Variants in PEG3 observed in about 807,000 individuals in gnomAD.
The protein encoded by PEG3 is paternally-expressed gene 3 protein.
In PEG3, 23 loss-of-function variants were observed where a neutral mutation model predicts 35.5. That is an observed-to-expected ratio of 0.65 (90% confidence interval 0.47 to 0.92). The LOEUF (loss-of-function observed/expected upper bound fraction) is 0.92, where lower values mean the gene tolerates loss of function less well. Among genes scored for constraint, PEG3 ranks in the 40% least tolerant of loss-of-function variants. PEG3 has a pLI of 0.00. For missense variants in PEG3, 1,960 were observed against 1,985.3 expected (o/e 0.99, Z 0.24); for synonymous variants, 707 against 697.0 (o/e 1.01, Z -0.23).
At chr19:56,823,788 G>T in intron 4 of PEG3, 109 bp from the exon 5 acceptor site, 2 of 1,285,032 alleles carry the variant, frequency 1.6e-6, no homozygotes, top group South Asian at 1.2e-5. Context: ...TGGTTGGAAT[G>T]ACCTGATCCT....
At chr19:56,821,627 GA>G in intron 7 of PEG3, 23 bp downstream of exon 7, 1 of 1,611,160 alleles carries the variant, frequency 6.2e-7, no homozygotes, top group Non-Finnish European at 8.5e-7. Flanking sequence ...GGCCTTTCTA[GA>G]AAGAGAGGAA....
chr19:56,835,973 A>T (rs749343969), intron 2 of PEG3, 45 bp downstream of exon 2: 10 of 498,538 alleles, frequency 2.0e-5, no homozygotes, highest in African/African-American at 1.7e-4. Flanking sequence ...TGCGGTGGTC[A>T]CTCCAAAGAT....
rs562275409 is a variant in PEG3, at chr19:56,822,793, C to T, written c.525G>A (p.Glu175=). 5.6e-6 allele frequency: 9 copies of T among 1,614,136 alleles called. No individual in the cohort carries two copies. The East Asian group carries it at 1.6e-4, about 28-fold the overall frequency. The change falls in exon 6 of 10, where the codon GAG becomes GAA. Residue 175 remains glutamate, a synonymous_variant. Coordinates refer to ENST00000326441, the MANE Select transcript of PEG3 (RefSeq NM_006210.3). ...TGGTGTGGGACCAGCGGTCTCGTGG[C>T]TCCATGTCTCTGCTTCTGCCCCTCC... The part of the protein sequence containing the change: ...WDRRGRSRDM[E]PRDRWSHTRN...
At chr19:56,837,326 C>T (rs2062262692) in intron 1 of PEG3, among the ~76,000 whole-genome samples, 1 of 152,168 alleles carries the variant, frequency 6.6e-6, no homozygotes, top group Non-Finnish European at 1.5e-5. Context: ...CACCCGCAGC[C>T]CTGAATTTTT....
chr19:56,818,821 T>C (rs763267763), intron 7 of PEG3, 119 bp from the exon 8 acceptor site: 88 of 1,182,040 alleles, frequency 7.4e-5, no homozygotes, highest in Non-Finnish European at 1.0e-4. Context: ...GCTCACGGTA[T>C]TGGGGTTCTG....
chr19:56,823,373 G>A (rs990146811), intron 5 of PEG3, among the ~76,000 whole-genome samples: 41 of 152,254 alleles, frequency 2.7e-4, no homozygotes, highest in African/African-American at 9.1e-4. Flanking sequence ...ATACTTTATC[G>A]TTGAATAAAA....
At chr19:56,834,213 A>C (rs1021082139) in intron 2 of PEG3, among the ~76,000 whole-genome samples, 2 of 152,162 alleles carry the variant, frequency 1.3e-5, no homozygotes, top group Non-Finnish European at 2.9e-5. Context: ...TGGTCCATCC[A>C]ACCATCTACA....
chr19:56,831,454 G>A (rs1183254509), intron 2 of PEG3, among the ~76,000 whole-genome samples: 2 of 152,174 alleles, frequency 1.3e-5, no homozygotes, highest in Non-Finnish European at 2.9e-5. Context: ...AATTAGGGTT[G>A]GCCTTTGACG....
chr19:56,823,627 T>C lies in PEG3; in HGVS notation c.447A>G (p.Arg149=). 1 of 1,614,142 alleles carries C rather than the reference T, an allele frequency of 6.2e-7. No homozygotes were observed. Among genetic ancestry groups the C allele is most frequent in the Non-Finnish European group, 8.5e-7 (1 of 1,180,024 alleles). Reference sequence around the variant, plus strand: ...GGACTGAGTGAGGTGGTGAGGACTCTCTTCTGTTCCGGGTCATGTCGTCGT... The same window carrying C: ...GGACTGAGTGAGGTGGTGAGGACTCCCTTCTGTTCCGGGTCATGTCGTCGT... ...TSDDDMTRNR[R]ESSPPHSVHS... Residue 149 remains arginine, a synonymous_variant, in exon 5 of 10, where the codon AGA becomes AGG. Coordinates refer to ENST00000326441, the MANE Select transcript of PEG3 (RefSeq NM_006210.3).
chr19:56,810,976 A>T lies in PEG3; in HGVS notation c.*2699T>A, dbSNP rs908014051. 20 of 973,160 alleles carry T rather than the reference A, an allele frequency of 2.1e-5. No homozygotes were observed. In the African/African-American group the frequency reaches 3.5e-4, roughly 17 times the overall value. The allele number at this position is 973,160 out of a possible 1,614,324, so 60.3% of individuals were successfully genotyped here. A position where few individuals can be genotyped will look rare whatever the true frequency, so the allele number is the denominator to read the frequency against. On this transcript the variant is annotated 3_prime_UTR_variant, in exon 10 of 10. Transcript: ENST00000326441. ...TGAAAGTATTTAACCATAATTCCACAAAGGTAATGTAACAGCTATTTTGAA... is the reference window on the plus strand; with the variant it reads ...TGAAAGTATTTAACCATAATTCCACTAAGGTAATGTAACAGCTATTTTGAA...
rs1284243076 is a variant in PEG3, at chr19:56,815,572, A to G, written c.2870T>C (p.Phe957Ser). 2.5e-6 allele frequency: 4 copies of G among 1,613,994 alleles called. No homozygotes were observed. The highest frequency in any genetic ancestry group is 3.4e-6 in the Non-Finnish European group (4 of 1,179,974). The change falls in exon 10 of 10, where the codon TTT (phenylalanine) becomes TCT (serine). Residue 957 changes from phenylalanine (F) to serine (S), a missense_variant. By Grantham distance (155) the Phe-to-Ser change is radical (BLOSUM62 -2). This residue lies in a region of PEG3 where 798 missense variants were observed against 782.4 expected (regional missense o/e 1.02). Coordinates refer to ENST00000326441, the MANE Select transcript of PEG3 (RefSeq NM_006210.3). ...NETSVIHSLPFGEQTFRPRGM... is the reference protein window; with the variant it reads ...NETSVIHSLPSGEQTFRPRGM... The stretch of plus-strand genomic sequence containing the variant: ...TCGAGGGCGAAATGTTTGTTCACCA[A>G]AAGGCAGAGAGTGAATTACAGAGGT...
At chr19:56,830,364 A>G (rs1345875562) in intron 2 of PEG3, among the ~76,000 whole-genome samples, 1 of 152,230 alleles carries the variant, frequency 6.6e-6, no homozygotes, top group East Asian at 1.9e-4. Context: ...GGGAGCCCAC[A>G]AGCAGTATTT....
chr19:56,815,919 G>A lies in PEG3; in HGVS notation c.2523C>T (p.Ser841=). 1.2e-6 allele frequency: 2 copies of A among 1,610,046 alleles called. No individual in the cohort carries two copies. Among genetic ancestry groups the A allele is most frequent in the Non-Finnish European group, 1.7e-6 (2 of 1,177,940 alleles). Residue 841 remains serine (S), a synonymous_variant, in exon 10 of 10, where the codon TCC becomes TCT. Transcript: ENST00000326441. The stretch of plus-strand genomic sequence containing the variant: ...TTCCATTGTGACTTCTTGGAGGTTT[G>A]GAAGCCACTAAGCTATGGATAACAG... The part of the protein sequence containing the change: ...SRSVIHSLVA[S]KPPRSHNGNE...
chr19:56,821,544 C>T (rs1352004393), intron 7 of PEG3, 107 bp downstream of exon 7: 2 of 1,389,592 alleles, frequency 1.4e-6, no homozygotes, highest in Non-Finnish European at 2.0e-6. Flanking sequence ...GACTCTCACC[C>T]CAGCTGGACT....
chr19:56,838,347 C>G (rs2062444974), intron 1 of PEG3, among the ~76,000 whole-genome samples: 1 of 152,206 alleles, frequency 6.6e-6, no homozygotes, highest in South Asian at 2.1e-4. Flanking sequence ...CCTGCGCAAT[C>G]AACCTCGGGC....
At chr19:56,820,604 C>T (rs965631277) in intron 7 of PEG3, among the ~76,000 whole-genome samples, 7 of 152,182 alleles carry the variant, frequency 4.6e-5, no homozygotes, top group African/African-American at 1.7e-4. Context: ...CAACACCTGA[C>T]CCGGCGTGCT....
intron 3 of PEG3, among the ~76,000 whole-genome samples, chr19:56,825,299 G>T (rs1488065577): frequency 6.6e-6 from 1 of 152,170 alleles, no homozygotes; most frequent in Non-Finnish European, 1.5e-5. Flanking sequence ...AATATTAAAA[G>T]TACTCAACTC....
chr19:56,821,515 GCTC>G (rs2146299178), intron 7 of PEG3, 133 bp downstream of exon 7: 2 of 1,037,794 alleles, frequency 1.9e-6, no homozygotes, highest in South Asian at 3.1e-5. Flanking sequence ...ATGGGCCCGG[GCTC>G]CTCCTGGAGC....
intron 2 of PEG3, among the ~76,000 whole-genome samples, chr19:56,828,797 T>C (rs1382475007): frequency 1.2e-4 from 18 of 152,152 alleles, no homozygotes; most frequent in Non-Finnish European, 2.9e-5. Flanking sequence ...TTACTTAACA[T>C]CAAAAATCAA....
Sources: gnomAD v4.1 joint callset for allele counts (sites outside exome capture counted in the v4.1 genomes callset) on GRCh38, gnomAD v4.1.1 for gene constraint, gnomAD v4.1.1 regional missense constraint, MANE v1.5 for transcripts, NCBI Gene and HGNC (gene_info 2026-07-23, HGNC 2026-07-21) for gene names.